FSTL5: variants seen among roughly 807,000 people sequenced by gnomAD.
FSTL5 encodes follistatin like 5, also known as follistatin-related protein 5.
A neutral mutation model predicts 89.1 loss-of-function variants in FSTL5; 62 were observed. The observed-to-expected ratio is 0.70, with a 90% CI of 0.57 to 0.86. FSTL5 has a LOEUF of 0.86. FSTL5 is among the 40% of genes least tolerant of loss of function. The pLI is 0.00. For missense variants in FSTL5, 1,057 were observed against 1,001.6 expected (o/e 1.06, Z -0.75); for synonymous variants, 383 against 346.2 (o/e 1.11, Z -1.18).
At chr4:162,043,491 G>C (rs190104631) in intron 2 of FSTL5, among the ~76,000 whole-genome samples, 3 of 152,146 alleles carry the variant, frequency 2.0e-5, no homozygotes, top group African/African-American at 7.2e-5. Flanking sequence ...AGTTTTTGCT[G>C]TTGGAAGGTC....
intron 3 of FSTL5, among the ~76,000 whole-genome samples, chr4:161,997,095 T>G (rs1037697723): frequency 1.3e-4 from 20 of 152,202 alleles, no homozygotes; most frequent in Non-Finnish European, 2.8e-4. Context: ...ACATTTTAAC[T>G]TTTTATTACT....
At chr4:161,963,532 C>T (rs187029320) in intron 3 of FSTL5, among the ~76,000 whole-genome samples, 2 of 151,660 alleles carry the variant, frequency 1.3e-5, no homozygotes, top group African/African-American at 2.4e-5. Context: ...AGACCGTGAC[C>T]GAACACTCAT....
intron 12 of FSTL5, among the ~76,000 whole-genome samples, chr4:161,497,623 T>G (rs1237438034): frequency 9.7e-6 from 1 of 103,420 alleles, no homozygotes; most frequent in Non-Finnish European, 2.1e-5. Context: ...CTTTTTAATA[T>G]AGTATAAGAA....
chr4:161,999,512 T>C (rs1347481415), intron 3 of FSTL5, among the ~76,000 whole-genome samples: 1 of 152,112 alleles, frequency 6.6e-6, no homozygotes, highest in Non-Finnish European at 1.5e-5. Flanking sequence ...GTAGAGTAAA[T>C]CTCTTTTTAA....
chr4:161,827,973 G>C (rs1312859900), intron 4 of FSTL5, among the ~76,000 whole-genome samples: 1 of 152,156 alleles, frequency 6.6e-6, no homozygotes, highest in East Asian at 1.9e-4. Context: ...TTCTGTCCAG[G>C]AATCTATGAG....
intron 4 of FSTL5, among the ~76,000 whole-genome samples, chr4:161,813,982 T>C (rs1005487615): frequency 8.6e-5 from 13 of 151,474 alleles, no homozygotes; most frequent in African/African-American, 2.7e-4. Flanking sequence ...AGAGTTAATA[T>C]AGGAATTCAA....
chr4:162,020,189 C>T (rs1424549189), intron 3 of FSTL5, among the ~76,000 whole-genome samples: 1 of 151,850 alleles, frequency 6.6e-6, no homozygotes, highest in Non-Finnish European at 1.5e-5. Context: ...TGGCACTGCA[C>T]TTTCATTCCT....
At chr4:161,998,857 AACACACACACACACACAC>A (rs10585971) in intron 3 of FSTL5, among the ~76,000 whole-genome samples, 68 of 146,474 alleles carry the variant, frequency 4.6e-4, no homozygotes, top group Non-Finnish European at 7.4e-4. Flanking sequence ...ACACACACAC[AACACACACACACACACAC>A]ACACACACAC....
rs1737846382 is a variant in FSTL5 at position 162,039,002 on chromosome 4, T to C, written c.127-5344A>G. ...AATACCCACAAATACTCTTTTATAA[T>C]ATATATACATATGATGTTACACGAA... is the stretch of plus-strand genomic sequence containing the variant. On this transcript the variant is annotated intron_variant, in intron 2 of 15. Coordinates refer to ENST00000306100, the MANE Select transcript of FSTL5 (RefSeq NM_020116.5). Among the ~76,000 whole-genome samples, 4 of 151,806 alleles carry C rather than the reference T, an allele frequency of 2.6e-5. No homozygotes were observed. In the Admixed American group the frequency reaches 2.6e-4, roughly 10 times the overall value.
intron 3 of FSTL5, among the ~76,000 whole-genome samples, chr4:161,966,759 T>C (rs1284970877): frequency 6.6e-6 from 1 of 152,040 alleles, no homozygotes; most frequent in Non-Finnish European, 1.5e-5. Context: ...CATCCAGAAC[T>C]GTGAGAAACA....
At chr4:161,399,442 G>A (rs2110900373) in intron 15 of FSTL5, among the ~76,000 whole-genome samples, 1 of 152,202 alleles carries the variant, frequency 6.6e-6, no homozygotes, top group African/African-American at 2.4e-5. Flanking sequence ...TTACAGTACT[G>A]TACTATATTT....
At chr4:161,697,889 A>G (rs77124646) in intron 6 of FSTL5, among the ~76,000 whole-genome samples, 11,502 of 152,082 alleles carry the variant, frequency 0.076, 515 homozygotes, top group South Asian at 0.18. Flanking sequence ...CTGCTGCCAT[A>G]ATTTATCAAG....
chr4:162,044,732 T>G (rs1738107093), intron 2 of FSTL5, among the ~76,000 whole-genome samples: 1 of 152,220 alleles, frequency 6.6e-6, no homozygotes, highest in African/African-American at 2.4e-5. Context: ...TCTTAATAAC[T>G]TTCTGCAATT....
chr4:161,524,110 T>C (rs1731124686), intron 10 of FSTL5, among the ~76,000 whole-genome samples: 1 of 152,166 alleles, frequency 6.6e-6, no homozygotes, highest in Admixed American at 6.5e-5. Context: ...TTACATCCTA[T>C]TCTTTCTGAA....
chr4:162,162,448 C>T lies in FSTL5; in HGVS notation c.-17+1167G>A, dbSNP rs113689342. Reference sequence around the variant, plus strand: ...TCTCTCTGGAATGTAAAGGAAATATCCCCCACCCCCGTCCTTTTCCAGGCA... The same window carrying T: ...TCTCTCTGGAATGTAAAGGAAATATTCCCCACCCCCGTCCTTTTCCAGGCA... On this transcript the variant is annotated intron_variant, in intron 1 of 15. Transcript: ENST00000306100. Among the ~76,000 whole-genome samples the T allele has an allele frequency of 5.5e-3, 842 of 152,046 alleles. 11 individuals are homozygous for T. The highest frequency in any genetic ancestry group is 0.019 in the African/African-American group (778 of 41,482).
chr4:162,133,057 C>G (rs965438155), intron 1 of FSTL5, among the ~76,000 whole-genome samples: 15 of 152,162 alleles, frequency 9.9e-5, no homozygotes, highest in Admixed American at 9.8e-4. Flanking sequence ...CTTCTCCTAC[C>G]TCACTCAGCC....
chr4:161,523,842 A>G (rs1284416097), intron 10 of FSTL5, among the ~76,000 whole-genome samples: 1 of 152,220 alleles, frequency 6.6e-6, no homozygotes, highest in African/African-American at 2.4e-5. Flanking sequence ...TCCAGCATAA[A>G]AATGCTTATT....
chr4:161,748,706 C>T (rs1740288965), intron 6 of FSTL5, among the ~76,000 whole-genome samples: 1 of 145,928 alleles, frequency 6.9e-6, no homozygotes, highest in Non-Finnish European at 1.5e-5. Flanking sequence ...AGACATGAGT[C>T]ATTAGTTACT....
intron 3 of FSTL5, among the ~76,000 whole-genome samples, chr4:162,005,172 CT>C (rs1290304736): frequency 6.6e-6 from 1 of 152,100 alleles, no homozygotes; most frequent in Non-Finnish European, 1.5e-5. Context: ...GTTGTTCTGT[CT>C]ACCTAAAAAA....
Sources: gnomAD v4.1 joint callset for allele counts (sites outside exome capture counted in the v4.1 genomes callset) on GRCh38, gnomAD v4.1.1 for gene constraint, MANE v1.5 for transcripts, NCBI Gene and HGNC (gene_info 2026-07-23, HGNC 2026-07-21) for gene names.